ADGRL2: variants seen among roughly 807,000 people sequenced by gnomAD.
ADGRL2 encodes calcium-independent alpha-latrotoxin receptor 2.
Under a neutral mutation model 157.4 loss-of-function variants are expected in ADGRL2, and 44 were observed. The ratio of observed to expected loss-of-function variants is 0.28; its 90% confidence interval spans 0.22 to 0.36. The LOEUF (loss-of-function observed/expected upper bound fraction) is 0.36. Ranked by LOEUF, ADGRL2 falls within the 10% of genes least tolerant of loss-of-function variation. The probability of loss-of-function intolerance (pLI) is 1.00; values close to 1 mark genes in which losing one functional copy is unlikely to be tolerated. For missense variants in ADGRL2, 1,510 were observed against 1,768.9 expected (o/e 0.85, Z 2.63); for synonymous variants, 585 against 624.7 (o/e 0.94, Z 0.95).
intron 2 of ADGRL2, among the ~76,000 whole-genome samples, chr1:81,485,856 C>T (rs567643751): frequency 6.6e-6 from 1 of 152,066 alleles, no homozygotes; most frequent in South Asian, 2.1e-4. Flanking sequence ...AAGTGAAGGA[C>T]TGAGGATCAA....
chr1:81,891,215 A>G (rs1263413376), intron 2 of ADGRL2, among the ~76,000 whole-genome samples: 2 of 151,724 alleles, frequency 1.3e-5, no homozygotes, highest in Non-Finnish European at 2.9e-5. Context: ...ATTTAACGTT[A>G]TATTGTTTTT....
chr1:81,602,235 GGATC>G (rs2081346602), intron 3 of ADGRL2, among the ~76,000 whole-genome samples: 4 of 151,920 alleles, frequency 2.6e-5, no homozygotes, highest in Non-Finnish European at 5.9e-5. Flanking sequence ...TGAGGTGGGT[GGATC>G]GCTTGAGGTC....
At chr1:81,540,764 C>A (rs1247400526) in intron 2 of ADGRL2, among the ~76,000 whole-genome samples, 1 of 152,050 alleles carries the variant, frequency 6.6e-6, no homozygotes, top group Non-Finnish European at 1.5e-5. Flanking sequence ...AGGGGGAAGG[C>A]AATGAAGGGT....
At chr1:81,540,996 C>T (rs1570439271) in intron 2 of ADGRL2, among the ~76,000 whole-genome samples, 2 of 152,208 alleles carry the variant, frequency 1.3e-5, no homozygotes, top group African/African-American at 4.8e-5. Context: ...AATCAATGAA[C>T]AATCACATTC....
upstream of ADGRL2, among the ~76,000 whole-genome samples, chr1:81,699,104 G>A (rs1362070489): frequency 6.6e-6 from 1 of 152,126 alleles, no homozygotes; most frequent in Non-Finnish European, 1.5e-5. Context: ...CATACACAGC[G>A]ATATTCATTT....
chr1:81,638,790 G>A (rs932980669), intron 3 of ADGRL2, among the ~76,000 whole-genome samples: 1 of 152,076 alleles, frequency 6.6e-6, no homozygotes, highest in African/African-American at 2.4e-5. Flanking sequence ...ACAGAACAAG[G>A]GCAGCAAGTA....
chr1:81,402,974 A>T (rs2076783564), intron 1 of ADGRL2, among the ~76,000 whole-genome samples: 1 of 152,234 alleles, frequency 6.6e-6, no homozygotes, highest in South Asian at 2.1e-4. Context: ...ACATTCATGG[A>T]GCTTTCAGTA....
chr1:81,306,795 A>G (rs1435113921), intron 1 of ADGRL2, among the ~76,000 whole-genome samples: 3 of 152,206 alleles, frequency 2.0e-5, no homozygotes, highest in Non-Finnish European at 4.4e-5. Context: ...TCCCTCTTAG[A>G]AAAACATTAA....
At chr1:81,548,752 T>C (rs1444648241) in intron 2 of ADGRL2, among the ~76,000 whole-genome samples, 1 of 152,142 alleles carries the variant, frequency 6.6e-6, no homozygotes, top group Non-Finnish European at 1.5e-5. Flanking sequence ...CTCTAAATAA[T>C]CTCAAAGAAG....
intron 1 of ADGRL2, among the ~76,000 whole-genome samples, chr1:81,384,041 C>A (rs575846102): frequency 1.1e-4 from 16 of 151,800 alleles, no homozygotes; most frequent in African/African-American, 3.6e-4. Flanking sequence ...AAGGTCTATC[C>A]AAACTAGAAA....
chr1:81,885,318 G>T (rs1485561415), intron 2 of ADGRL2, among the ~76,000 whole-genome samples: 2 of 151,924 alleles, frequency 1.3e-5, no homozygotes, highest in African/African-American at 4.8e-5. Context: ...TCTATTTTCA[G>T]AGGAATTTAA....
chr1:81,502,346 G>T (rs1194549281), intron 2 of ADGRL2: 2 of 1,614,024 alleles, frequency 1.2e-6, no homozygotes, highest in Admixed American at 3.3e-5. Context: ...TGGTGGTTTG[G>T]CCTGGAGTGA....
chr1:81,321,663 C>T (rs1474961422), intron 1 of ADGRL2, among the ~76,000 whole-genome samples: 1 of 152,126 alleles, frequency 6.6e-6, no homozygotes, highest in Non-Finnish European at 1.5e-5. Flanking sequence ...CAATTAAATT[C>T]ACGGTCTTAC....
intron 3 of ADGRL2, among the ~76,000 whole-genome samples, chr1:81,694,150 A>T (rs1223280814): frequency 6.6e-6 from 1 of 152,180 alleles, no homozygotes; most frequent in Non-Finnish European, 1.5e-5. Flanking sequence ...TGGAAAATGG[A>T]TCTCTCCTTC....
At chr1:81,815,615 A>G (rs2090321444) in intron 1 of ADGRL2, among the ~76,000 whole-genome samples, 1 of 151,780 alleles carries the variant, frequency 6.6e-6, no homozygotes, top group Admixed American at 6.6e-5. Context: ...TGCTTAAAAT[A>G]TTTTATAGAA....
rs1664511600 is a variant in ADGRL2 at position 81,991,030 on chromosome 1, G to C, written c.4295G>C (p.Cys1432Ser). ...NLGAGHQLQM[C>S]YQISRGNSDG... Reference sequence around the variant, plus strand: ...GGAGCTGGCCATCAGCTTCAGATGTGCTACCAGATCAGCAGGGGCAATAGT... The same window carrying C: ...GGAGCTGGCCATCAGCTTCAGATGTCCTACCAGATCAGCAGGGGCAATAGT... The change falls in exon 24 of 24, where the codon TGC becomes TCC. Residue 1432 changes from cysteine (C) to serine (S), a missense_variant. Cys to Ser is a moderately radical substitution (Grantham distance 112). Transcript: ENST00000686636. The C allele has an allele frequency of 6.2e-7, 1 of 1,613,834 alleles. No individual in the cohort carries two copies. Among genetic ancestry groups the C allele is most frequent in the African/African-American group, 1.3e-5 (1 of 74,910 alleles).
intron 11 of ADGRL2, among the ~76,000 whole-genome samples, chr1:81,962,850 T>C (rs1390585083): frequency 1.3e-5 from 2 of 152,190 alleles, no homozygotes; most frequent in African/African-American, 2.4e-5. Flanking sequence ...GTAATGTTAA[T>C]ATCTGTTGAG....
chr1:81,504,148 G>A (rs1469660638), intron 2 of ADGRL2, among the ~76,000 whole-genome samples: 1 of 152,150 alleles, frequency 6.6e-6, no homozygotes, highest in Non-Finnish European at 1.5e-5. Flanking sequence ...CAGAGCCTCG[G>A]GGCTGCCCAG....
chr1:81,591,541 A>C (rs1467140601), intron 3 of ADGRL2, among the ~76,000 whole-genome samples: 2 of 152,204 alleles, frequency 1.3e-5, no homozygotes, highest in Non-Finnish European at 2.9e-5. Context: ...TGTATTAAGC[A>C]GACTCTAAGA....
Sources: gnomAD v4.1 joint callset for allele counts (sites outside exome capture counted in the v4.1 genomes callset) on GRCh38, gnomAD v4.1.1 for gene constraint, MANE v1.5 for transcripts, NCBI Gene and HGNC (gene_info 2026-07-23, HGNC 2026-07-21) for gene names.